Variants in HS3ST4 observed in about 807,000 individuals in gnomAD.
The protein encoded by HS3ST4 is heparan sulfate-glucosamine 3-sulfotransferase 4.
Under a neutral mutation model 29.2 loss-of-function variants are expected in HS3ST4, and 17 were observed. That is an observed-to-expected ratio of 0.58 (90% CI 0.40 to 0.87). HS3ST4 has a LOEUF of 0.87. Ranked by LOEUF, HS3ST4 falls within the 40% of genes least tolerant of loss-of-function variation. HS3ST4 has a pLI of 0.00. For synonymous variants in HS3ST4, 314 were observed against 285.7 expected, an observed-to-expected ratio of 1.10 and a Z score of -1.00; for missense variants, 627 against 634.5, an observed-to-expected ratio of 0.99 and a Z score of 0.13.
At chr16:25,956,047 C>T (rs1045707105) in intron 1 of HS3ST4, among the ~76,000 whole-genome samples, 10 of 152,026 alleles carry the variant, frequency 6.6e-5, no homozygotes, top group African/African-American at 2.4e-4. Flanking sequence ...AACTCCTAAC[C>T]TCAAATGATC....
At chr16:26,124,662 G>T (rs1899318894) in intron 1 of HS3ST4, among the ~76,000 whole-genome samples, 1 of 152,212 alleles carries the variant, frequency 6.6e-6, no homozygotes, top group East Asian at 1.9e-4. Context: ...ACCAGAGAAA[G>T]TGCCACTTGC....
intron 1 of HS3ST4, among the ~76,000 whole-genome samples, chr16:25,828,873 A>G (rs1395625872): frequency 1.3e-5 from 2 of 152,208 alleles, no homozygotes; most frequent in Non-Finnish European, 2.9e-5. Context: ...TTACTTGAGC[A>G]TTAGTTTTCC....
At chr16:26,013,845 TA>T (rs768720557) in intron 1 of HS3ST4, among the ~76,000 whole-genome samples, 362 of 151,794 alleles carry the variant, frequency 2.4e-3, no homozygotes, top group Non-Finnish European at 3.9e-3. Flanking sequence ...CCATCTCTAC[TA>T]AAAATACAAA....
intron 1 of HS3ST4, among the ~76,000 whole-genome samples, chr16:25,996,068 A>G (rs72778338): frequency 0.12 from 17,723 of 151,978 alleles, 1,233 homozygotes; most frequent in Admixed American, 0.17. Context: ...TACAAATAAT[A>G]ATACAGGAAA....
At chr16:25,940,180 T>A (rs1329384329) in intron 1 of HS3ST4, among the ~76,000 whole-genome samples, 1 of 149,746 alleles carries the variant, frequency 6.7e-6, no homozygotes, top group Non-Finnish European at 1.5e-5. Flanking sequence ...TGTCCTCAAT[T>A]GTGAGAAATC....
chr16:25,901,004 C>A (rs1040503567), intron 1 of HS3ST4, among the ~76,000 whole-genome samples: 4 of 152,148 alleles, frequency 2.6e-5, no homozygotes, highest in African/African-American at 7.2e-5. Flanking sequence ...AAAGTCAAGA[C>A]CATGGAACCC....
chr16:25,748,945 T>C (rs1966701508), intron 1 of HS3ST4, among the ~76,000 whole-genome samples: 1 of 152,200 alleles, frequency 6.6e-6, no homozygotes, highest in Non-Finnish European at 1.5e-5. Flanking sequence ...AGTATGAATA[T>C]TCTTCCCATT....
At chr16:25,958,858 C>T (rs543503571) in intron 1 of HS3ST4, among the ~76,000 whole-genome samples, 40 of 152,188 alleles carry the variant, frequency 2.6e-4, no homozygotes, top group African/African-American at 8.7e-4. Context: ...ACAAGGTGGC[C>T]GACTTCCCTC....
At chr16:25,784,178 G>T (rs2141616658) in intron 1 of HS3ST4, among the ~76,000 whole-genome samples, 1 of 152,292 alleles carries the variant, frequency 6.6e-6, no homozygotes, top group Admixed American at 6.5e-5. Flanking sequence ...GGTGTGTCCT[G>T]ACTGCTCTGC....
chr16:26,057,433 G>A (rs1898423198), intron 1 of HS3ST4, among the ~76,000 whole-genome samples: 1 of 152,172 alleles, frequency 6.6e-6, no homozygotes, highest in African/African-American at 2.4e-5. Flanking sequence ...CCAAAGGCAT[G>A]TAGGAAGAAG....
chr16:25,753,307 G>T (rs1470287760), intron 1 of HS3ST4, among the ~76,000 whole-genome samples: 2 of 152,188 alleles, frequency 1.3e-5, no homozygotes, highest in East Asian at 3.8e-4. Context: ...TTTTCACGGG[G>T]CTGATGGTTT....
rs566566200 is a variant in HS3ST4 at position 25,781,109 on chromosome 16, G to A, written c.734+87958G>A. Among the ~76,000 whole-genome samples the A allele has an allele frequency of 3.9e-5, 6 of 152,338 alleles. No homozygotes were observed. The South Asian group carries it at 6.2e-4, about 16-fold the overall frequency. On this transcript the variant is annotated intron_variant, in intron 1 of 1. Coordinates refer to ENST00000331351, the MANE Select transcript of HS3ST4 (RefSeq NM_006040.3). ...GGCAGCTTGTTGTTATAAAAGGGAA[G>A]TGGTTGACTTCTCTCTGTCTTCTAC...
chr16:26,010,394 C>T (rs886073745), intron 1 of HS3ST4, among the ~76,000 whole-genome samples: 2 of 150,878 alleles, frequency 1.3e-5, no homozygotes, highest in Admixed American at 6.6e-5. Flanking sequence ...GCAGAGGTTA[C>T]GGTGAGCCGA....
chr16:26,041,366 A>G (rs1969634874), intron 1 of HS3ST4, among the ~76,000 whole-genome samples: 4 of 151,994 alleles, frequency 2.6e-5, no homozygotes. Context: ...GATAATAATA[A>G]TAATAAAATT....
chr16:25,848,574 C>G (rs1939450443), intron 1 of HS3ST4, among the ~76,000 whole-genome samples: 1 of 150,988 alleles, frequency 6.6e-6, no homozygotes, highest in Admixed American at 6.6e-5. Context: ...AAATTTATAT[C>G]TAGTATAAAC....
At chr16:25,985,485 G>A (rs927437762) in intron 1 of HS3ST4, among the ~76,000 whole-genome samples, 1 of 152,142 alleles carries the variant, frequency 6.6e-6, no homozygotes, top group African/African-American at 2.4e-5. Flanking sequence ...CGGAGCTTGG[G>A]TGGAAAGAGG....
intron 1 of HS3ST4, among the ~76,000 whole-genome samples, chr16:25,934,968 G>C (rs1236183808): frequency 3.9e-5 from 6 of 152,226 alleles, no homozygotes; most frequent in Non-Finnish European, 7.4e-5. Context: ...TTGAGGGACG[G>C]AAGTGATTGG....
intron 1 of HS3ST4, among the ~76,000 whole-genome samples, chr16:25,701,234 T>C (rs1371057836): frequency 6.6e-6 from 1 of 152,208 alleles, no homozygotes; most frequent in African/African-American, 2.4e-5. Flanking sequence ...GAAACAGTTT[T>C]TCTTAAGAAC....
intron 1 of HS3ST4, among the ~76,000 whole-genome samples, chr16:26,056,675 C>T (rs1326435227): frequency 3.9e-5 from 6 of 152,164 alleles, no homozygotes; most frequent in Admixed American, 3.9e-4. Context: ...CTGCCACTGC[C>T]CTGCTCCCAA....
Sources: allele counts gnomAD v4.1 joint callset (sites outside exome capture counted in the v4.1 genomes callset), GRCh38; gene constraint gnomAD v4.1.1; transcripts MANE v1.5; gene names NCBI Gene and HGNC (gene_info 2026-07-23, HGNC 2026-07-21).